ANO8: variants seen among roughly 807,000 people sequenced by gnomAD.
ANO8 encodes anoctamin 8, also known as anoctamin-8.
Under a neutral mutation model 120.4 loss-of-function variants are expected in ANO8, and 67 were observed. The observed-to-expected ratio is 0.56, with a 90% CI of 0.46 to 0.68. The LOEUF (loss-of-function observed/expected upper bound fraction) is 0.68, where lower values mean the gene tolerates loss of function less well. ANO8 is among the 30% of genes least tolerant of loss of function. The pLI is 0.00. For synonymous variants in ANO8, 727 were observed against 759.2 expected, an observed-to-expected ratio of 0.96 and a Z score of 0.70; for missense variants, 1,526 against 1,737.6, an observed-to-expected ratio of 0.88 and a Z score of 2.16.
rs1568360135 is a variant in ANO8 at position 17,328,612 on chromosome 19, G to T, written c.1776C>A (p.Asp592Glu). The T allele has an allele frequency of 6.5e-7, 1 of 1,538,442 alleles. No homozygotes were observed. The stretch of plus-strand genomic sequence containing the variant: ...CCTCCTCGTCCTCCTCTTCCTCCTC[G>T]TCCTCCTCCTCCTCGTCGTCCTCGT... Reference protein sequence around the residue: ...EEDEDDEEEEDEEEEEDEEEG... With the variant: ...EEDEDDEEEEEEEEEEDEEEG... Residue 592 changes from aspartate to glutamate, a missense_variant, in exon 13 of 18, where the codon GAC becomes GAA. Asp to Glu is a conservative substitution (Grantham distance 45). Coordinates refer to ENST00000159087, the MANE Select transcript of ANO8 (RefSeq NM_020959.3).
Position 17,331,336 on chromosome 19 carries a change from A to C in ANO8, c.662T>G (p.Met221Arg). The stretch of plus-strand genomic sequence containing the variant: ...ACACACGGCCTGCACCCATGACTTC[A>C]TGAGGCGGTTCAGAATACGCTGCTC... The part of the protein sequence containing the change: ...VHEQRILNRL[M>R]KSWVQAVCEN... Residue 221 changes from methionine to arginine, a missense_variant, in exon 6 of 18, where the codon ATG becomes AGG. Physicochemically the swap from Met to Arg is moderately conservative, Grantham distance 91. This residue lies in a region of ANO8 where 322 missense variants were observed against 431.8 expected (regional missense o/e 0.75). Coordinates refer to ENST00000159087, the MANE Select transcript of ANO8 (RefSeq NM_020959.3). 6.2e-7 allele frequency: 1 copy of C among 1,614,092 alleles called. No homozygotes were observed. Among genetic ancestry groups the C allele is most frequent in the Non-Finnish European group, 8.5e-7 (1 of 1,180,006 alleles).
Position 17,329,301 on chromosome 19 carries a change from G to T in ANO8, c.1405-318C>A, listed in dbSNP as rs1312995788. On this transcript the variant is annotated intron_variant, in intron 12 of 17. Coordinates refer to ENST00000159087, the MANE Select transcript of ANO8 (RefSeq NM_020959.3). ...CTGCACCTGCTTGCTGGCCGCCCCC[G>T]ACCCCAGATTCCCTCCGCGCATGCG... The T allele has an allele frequency of 4.0e-5, 15 of 370,876 alleles. No homozygotes were observed. In the Admixed American group the frequency reaches 6.5e-4, roughly 16 times the overall value. The allele number at this position is 370,876 out of a possible 1,614,324, so 23.0% of individuals were successfully genotyped here.
Position 17,327,714 on chromosome 19 carries a change from C to T in ANO8, c.2393G>A (p.Arg798His), listed in dbSNP as rs1270438715. Residue 798 changes from arginine to histidine, a missense_variant, in exon 14 of 18, where the codon CGC (arginine) becomes CAC (histidine). By Grantham distance (29) the Arg-to-His change is conservative. Around this residue, in one of 8 missense-constraint regions of ANO8, gnomAD observed 77 missense variants for 131.5 expected, o/e 0.59. Transcript: ENST00000159087. ...CTGLQRPFGQ[R>H]VESIGQWQKV... The stretch of plus-strand genomic sequence containing the variant: ...CTGCCACTGGCCGATGCTTTCCACG[C>T]GCTGGCCGAAGGGCCGCTGCAGCCC... 6.2e-7 allele frequency: 1 copy of T among 1,613,610 alleles called. No homozygotes were observed. Among genetic ancestry groups the T allele is most frequent in the Non-Finnish European group, 8.5e-7 (1 of 1,179,804 alleles).
chr19:17,324,853 C>G lies in ANO8; in HGVS notation c.3195G>C (p.Gly1065=). Residue 1065 remains glycine (G), a synonymous_variant, in exon 17 of 18, where the codon GGG becomes GGC. Transcript: ENST00000159087. ...FPFGGTRAEP[G]SNGAGGQARP... ...GGGCCTGCCCGCCCGCCCCGTTGGA[C>G]CCAGGCTCAGCCCGGGTGCCACCAA... The G allele has an allele frequency of 6.2e-7, 1 of 1,612,634 alleles. No individual in the cohort carries two copies. Among genetic ancestry groups the G allele is most frequent in the South Asian group, 1.1e-5 (1 of 91,048 alleles).
In ANO8 at chr19:17,323,729, C is replaced by A; in HGVS notation, c.3487G>T (p.Ala1163Ser). Residue 1163 changes from alanine (A) to serine (S), a missense_variant, in exon 18 of 18, where the codon GCC becomes TCC. Ala to Ser is a moderately conservative substitution (Grantham distance 99). Around this residue, in one of 8 missense-constraint regions of ANO8, gnomAD observed 489 missense variants for 548.6 expected, o/e 0.89. Coordinates refer to ENST00000159087, the MANE Select transcript of ANO8 (RefSeq NM_020959.3). ...GCAGCGGCCAGGGCCTGGCGGGGGG[C>A]GGCACCCTCGCCCCCGCAGCCCCAG... ...GPWGCGGEGA[A>S]PRQALAAAEC... 8.3e-7 allele frequency: 1 copy of A among 1,205,340 alleles called. No individual in the cohort carries two copies. The highest frequency in any genetic ancestry group is 3.2e-4 in the Middle Eastern group (1 of 3,092). The allele number at this position is 1,205,340 out of a possible 1,614,324, so 74.7% of individuals were successfully genotyped here. A position where few individuals can be genotyped will look rare whatever the true frequency, so the allele number is the denominator to read the frequency against.
In ANO8 at chr19:17,331,322, G is replaced by T. The variant is rs759089448; in HGVS notation, c.676C>A (p.Gln226Lys). Residue 226 changes from glutamine to lysine, a missense_variant, in exon 6 of 18, where the codon CAG (glutamine) becomes AAG (lysine). Transcript: ENST00000159087. ...AGAGGCTGGTTTTCACACACGGCCT[G>T]CACCCATGACTTCATGAGGCGGTTC... ...ILNRLMKSWV[Q>K]AVCENQPLDD... 1 of 1,614,140 alleles carries T rather than the reference G, an allele frequency of 6.2e-7. No individual in the cohort carries two copies. The highest frequency in any genetic ancestry group is 1.6e-4 in the Middle Eastern group (1 of 6,062).
In ANO8 at chr19:17,334,754, C is replaced by A; in HGVS notation, c.-84G>T. Reference sequence around the variant, plus strand: ...TCATGGGGCCGGTGCAGCCGCGGAGCGCGCGGGAGGAGGAGACAAAGGCCG... The same window carrying A: ...TCATGGGGCCGGTGCAGCCGCGGAGAGCGCGGGAGGAGGAGACAAAGGCCG... On this transcript the variant is annotated 5_prime_UTR_variant, in exon 1 of 18. Coordinates refer to ENST00000159087, the MANE Select transcript of ANO8 (RefSeq NM_020959.3). The A allele has an allele frequency of 8.1e-7, 1 of 1,232,450 alleles. No individual in the cohort carries two copies. Among genetic ancestry groups the A allele is most frequent in the Non-Finnish European group, 1.1e-6 (1 of 947,168 alleles). 76.3% of individuals were successfully genotyped at this position (1,232,450 alleles called of 1,614,324 possible).
In ANO8 at chr19:17,328,298, GGGTCCGGGCCCCCGTCGGGCCCCT is replaced by G; in HGVS notation, c.2066_2089del (p.Gln689_Asp696del). The G allele has an allele frequency of 6.2e-7, 1 of 1,603,580 alleles. No homozygotes were observed. The highest frequency in any genetic ancestry group is 8.5e-7 in the Non-Finnish European group (1 of 1,176,456). ...CGAATCGCTGTTGGAGCCGGGTTCCGGGTCCGGGCCCCCGTCGGGCCCCTGGTCTCGGCCCTCGCCCCCGGCCCG... is the reference window on the plus strand; with the variant it reads ...CGAATCGCTGTTGGAGCCGGGTTCCGGGTCTCGGCCCTCGCCCCCGGCCCG... On this transcript the variant is annotated inframe_deletion, in exon 13 of 18. Coordinates refer to ENST00000159087, the MANE Select transcript of ANO8 (RefSeq NM_020959.3).
rs750094190 is a variant in ANO8 at position 17,330,228 on chromosome 19, C to T, written c.1170G>A (p.Gly390=). The T allele has an allele frequency of 5.0e-6, 8 of 1,613,910 alleles. No individual in the cohort carries two copies. Among genetic ancestry groups the T allele is most frequent in the South Asian group, 4.4e-5 (4 of 91,088 alleles). ...GCAGGAATCGGGCGAGACGGGGCAA[C>T]CCCTTCACGCTCAGCACCAGCTCCT... ...QLQELVLSVK[G]LPRLARFLPK... Residue 390 remains glycine (G), a synonymous_variant, in exon 10 of 18, where the codon GGG becomes GGA. Coordinates refer to ENST00000159087, the MANE Select transcript of ANO8 (RefSeq NM_020959.3).
Position 17,327,338 on chromosome 19 carries a change from G to A in ANO8, c.2558C>T (p.Ala853Val). Residue 853 changes from alanine (A) to valine (V), a missense_variant, in exon 16 of 18, where the codon GCT becomes GTT. By Grantham distance (64) the Ala-to-Val change is moderately conservative (BLOSUM62 0). This residue lies in a region of ANO8 where 489 missense variants were observed against 548.6 expected (regional missense o/e 0.89). Coordinates refer to ENST00000159087, the MANE Select transcript of ANO8 (RefSeq NM_020959.3). The stretch of plus-strand genomic sequence containing the variant: ...GTGGATGAGGTACTTGAGGAGCAGA[G>A]CGAAGTGCTGCAGGGGTGGCAGAGA... ...IVSVVVLEHFALLLKYLIHVA... is the reference protein window; with the variant it reads ...IVSVVVLEHFVLLLKYLIHVA... 1 of 1,550,334 alleles carries A rather than the reference G, an allele frequency of 6.5e-7. No homozygotes were observed. Among genetic ancestry groups the A allele is most frequent in the African/African-American group, 1.4e-5 (1 of 73,156 alleles).
intron 1 of ANO8, 79 bp downstream of exon 1, chr19:17,334,486 C>G: frequency 7.9e-7 from 1 of 1,266,410 alleles, no homozygotes. Context: ...ACGTTTGACC[C>G]TGATCCTCCT....
At position 17,327,247 on chromosome 19, in the gene ANO8, G is replaced by C. The variant is rs1481052133; in HGVS notation, c.2649C>G (p.Arg883=). The C allele has an allele frequency of 1.7e-5, 27 of 1,544,604 alleles. No individual in the cohort carries two copies. Among genetic ancestry groups the C allele is most frequent in the East Asian group, 2.5e-5 (1 of 40,788 alleles). The part of the protein sequence containing the change: ...EEMAKLEYQR[R]EAFKRHERQA... Reference sequence around the variant, plus strand: ...CTGGCCCCCCTACCTTAAAGGCCTCGCGGCGCTGGTACTCCAGCTTGGCCA... The same window carrying C: ...CTGGCCCCCCTACCTTAAAGGCCTCCCGGCGCTGGTACTCCAGCTTGGCCA... The change falls in exon 16 of 18, where the codon CGC becomes CGG. Residue 883 remains arginine (R), a synonymous_variant. Transcript: ENST00000159087.
At chr19:17,332,791 T>G (rs1328134638) in intron 5 of ANO8, 139 bp downstream of exon 5, 6 of 895,452 alleles carry the variant, frequency 6.7e-6, no homozygotes, top group Non-Finnish European at 8.6e-6. Context: ...CCACACCCCT[T>G]TAGCTCATTG....
chr19:17,330,785 C>T, intron 8 of ANO8, 43 bp downstream of exon 8: 1 of 1,587,044 alleles, frequency 6.3e-7, no homozygotes, highest in East Asian at 2.2e-5. Flanking sequence ...CACCATTTAC[C>T]TTTGTCCTGT....
chr19:17,323,271 A>G lies in ANO8; in HGVS notation c.*246T>C, dbSNP rs927961503. ...TGCATTTCTGCCGTTTTACAAAAAT[A>G]TGACAAAATAAATTAAAAACAAATA... is the stretch of plus-strand genomic sequence containing the variant. On this transcript the variant is annotated 3_prime_UTR_variant, in exon 18 of 18. Coordinates refer to ENST00000159087, the MANE Select transcript of ANO8 (RefSeq NM_020959.3). 23 of 291,776 alleles carry G rather than the reference A, an allele frequency of 7.9e-5. 1 individual carries two copies. Among genetic ancestry groups the G allele is most frequent in the African/African-American group, 5.0e-4 (23 of 45,572 alleles). 18.1% of individuals were successfully genotyped at this position (291,776 alleles called of 1,614,324 possible).
At position 17,332,954 on chromosome 19, in the gene ANO8, G is replaced by A. The variant is rs768089368; in HGVS notation, c.562C>T (p.Arg188Cys). ...AKQGEALHNV[R>C]FLEDQPIIPE... ...CTGATTGGCTGGTCCTCCAGGAAGC[G>A]CACGTTGTGGAGTGCTTCTCCCTGC... The change falls in exon 5 of 18, where the codon CGC (arginine) becomes TGC (cysteine). Residue 188 changes from arginine to cysteine, a missense_variant. This residue lies in a region of ANO8 where 322 missense variants were observed against 431.8 expected (regional missense o/e 0.75). Transcript: ENST00000159087. 1.9e-6 allele frequency: 3 copies of A among 1,614,154 alleles called. No individual in the cohort carries two copies. Among genetic ancestry groups the A allele is most frequent in the Non-Finnish European group, 2.5e-6 (3 of 1,180,046 alleles).
At chr19:17,328,111 T>TCCCGTCCCCGGCGAGGC (rs1568359411) in intron 13 of ANO8, 51 bp downstream of exon 13, 7 of 1,361,810 alleles carry the variant, frequency 5.1e-6, no homozygotes, top group Non-Finnish European at 6.9e-6. Context: ...GGACGGTGTG[T>TCCCGTCCCCGGCGAGGC]CCCGTCCCCG....
At position 17,333,837 on chromosome 19, in the gene ANO8, C is replaced by T; in HGVS notation, c.107-37G>A. 1 of 1,530,626 alleles carries T rather than the reference C, an allele frequency of 6.5e-7. No individual in the cohort carries two copies. The highest frequency in any genetic ancestry group is 8.9e-7 in the Non-Finnish European group (1 of 1,128,604). The allele number at this position is 1,530,626 out of a possible 1,614,324, so 94.8% of individuals were successfully genotyped here. A position where few individuals can be genotyped will look rare whatever the true frequency, so the allele number is the denominator to read the frequency against. Reference sequence around the variant, plus strand: ...CGTAGCAGGCCCGGGTCAGGCCACTCTGGGATCCGGACCCGGCCTCCAGTC... The same window carrying T: ...CGTAGCAGGCCCGGGTCAGGCCACTTTGGGATCCGGACCCGGCCTCCAGTC... On this transcript the variant is annotated intron_variant, in intron 1 of 17. Coordinates refer to ENST00000159087, the MANE Select transcript of ANO8 (RefSeq NM_020959.3). This position sits in a 1 kb window ranked among gnomAD's most constrained non-coding sequence, Gnocchi z 7.2.
Position 17,333,307 on chromosome 19 carries a change from G to A in ANO8, c.351-68C>T. 6.2e-7 allele frequency: 1 copy of A among 1,601,562 alleles called. No individual in the cohort carries two copies. Among genetic ancestry groups the A allele is most frequent in the South Asian group, 1.1e-5 (1 of 90,514 alleles). ...GCCCACCATCCTGGAGCTGAGGATG[G>A]TGCACCTGGCAGCCTTTGGGACAAA... is the stretch of plus-strand genomic sequence containing the variant. On this transcript the variant is annotated intron_variant, in intron 3 of 17. Transcript: ENST00000159087. This position sits in a 1 kb window ranked among gnomAD's most constrained non-coding sequence, Gnocchi z 7.2.
Sources: gnomAD v4.1 joint callset for allele counts on GRCh38, gnomAD v4.1.1 for gene constraint, gnomAD v4.1.1 regional missense constraint, Gnocchi (gnomAD v3.1) non-coding constraint, MANE v1.5 for transcripts, NCBI Gene and HGNC (gene_info 2026-07-23, HGNC 2026-07-21) for gene names.